AEBP2: variants seen among roughly 807,000 people sequenced by gnomAD.
AEBP2 encodes AE binding protein 2.
In AEBP2, 10 loss-of-function variants were observed where a neutral mutation model predicts 50.8. The observed-to-expected ratio is 0.20, with a 90% confidence interval of 0.12 to 0.33. AEBP2 has a LOEUF of 0.33. Ranked by LOEUF, AEBP2 falls within the 10% of genes least tolerant of loss-of-function variation. The pLI, the probability that AEBP2 is intolerant of heterozygous loss-of-function variation, is 1.00. For synonymous variants in AEBP2, 296 were observed against 261.3 expected (o/e 1.13, Z -1.28); for missense variants, 570 against 688.0 (o/e 0.83, Z 1.92).
chr12:19,444,512 C>G (rs1030987490), intron 1 of AEBP2, among the ~76,000 whole-genome samples: 1 of 152,232 alleles, frequency 6.6e-6, no homozygotes, highest in Non-Finnish European at 1.5e-5. Flanking sequence ...GAGGGCAGAT[C>G]ACATGAGGTC....
chr12:19,473,696 G>A (rs966281885), intron 3 of AEBP2, among the ~76,000 whole-genome samples: 2 of 152,162 alleles, frequency 1.3e-5, no homozygotes, highest in African/African-American at 2.4e-5. Context: ...ATGAGCCACT[G>A]CGCCTGGCTG....
intron 3 of AEBP2, among the ~76,000 whole-genome samples, chr12:19,491,882 G>C (rs376527561): frequency 3.3e-5 from 5 of 152,206 alleles, no homozygotes; most frequent in Non-Finnish European, 7.3e-5. Flanking sequence ...GAAGTGTGAG[G>C]ACAGCCTCAA....
chr12:19,449,496 G>T (rs1191028518), intron 1 of AEBP2, among the ~76,000 whole-genome samples: 1 of 152,148 alleles, frequency 6.6e-6, no homozygotes, highest in Non-Finnish European at 1.5e-5. Context: ...GTGCGTAGTG[G>T]TGATAAAAGA....
At chr12:19,472,510 A>G (rs1428241055) in intron 2 of AEBP2, among the ~76,000 whole-genome samples, 1 of 152,170 alleles carries the variant, frequency 6.6e-6, no homozygotes, top group Non-Finnish European at 1.5e-5. Context: ...CTGAACCTAG[A>G]ATGTGGATCT....
At chr12:19,498,232 A>AT (rs1171087410) in intron 4 of AEBP2, among the ~76,000 whole-genome samples, 2 of 151,842 alleles carry the variant, frequency 1.3e-5, no homozygotes, top group Non-Finnish European at 2.9e-5. Flanking sequence ...AAAGTTACAC[A>AT]TTTTTTTTCG....
intron 1 of AEBP2, among the ~76,000 whole-genome samples, chr12:19,460,603 C>T (rs1026050211): frequency 2.0e-5 from 3 of 151,870 alleles, no homozygotes; most frequent in Admixed American, 1.3e-4. Flanking sequence ...CCACCCACCT[C>T]GGCCTCCCAG....
At chr12:19,421,658 A>C (rs2153364478) in intron 1 of AEBP2, among the ~76,000 whole-genome samples, 1 of 152,314 alleles carries the variant, frequency 6.6e-6, no homozygotes, top group African/African-American at 2.4e-5. Context: ...TCAAAAAAGA[A>C]AACGAAACAT....
chr12:19,516,309 G>C (rs1340413357), intron 7 of AEBP2, among the ~76,000 whole-genome samples: 1 of 152,122 alleles, frequency 6.6e-6, no homozygotes, highest in Non-Finnish European at 1.5e-5. Context: ...TCTTTGGAGA[G>C]ATGAATTAAA....
intron 1 of AEBP2, among the ~76,000 whole-genome samples, chr12:19,428,007 C>G (rs987844827): frequency 5.3e-5 from 8 of 151,908 alleles, no homozygotes; most frequent in Non-Finnish European, 1.0e-4. Context: ...GAGGCTGAGG[C>G]TGGTGGATCG....
intron 1 of AEBP2, chr12:19,456,455 G>C: frequency 6.9e-7 from 1 of 1,446,420 alleles, no homozygotes. Flanking sequence ...CAGAGTTCAA[G>C]AAGTTAGGGC....
intron 1 of AEBP2, among the ~76,000 whole-genome samples, chr12:19,461,399 C>CT (rs1469945468): frequency 2.0e-5 from 3 of 152,216 alleles, no homozygotes; most frequent in East Asian, 1.9e-4. Context: ...CTAGTATATA[C>CT]TTTTTTTAGT....
At chr12:19,423,292 C>G (rs959969371) in intron 1 of AEBP2, among the ~76,000 whole-genome samples, 3 of 152,028 alleles carry the variant, frequency 2.0e-5, no homozygotes, top group African/African-American at 7.2e-5. Context: ...TCATCCCTCC[C>G]CATTGCCTTC....
intron 1 of AEBP2, among the ~76,000 whole-genome samples, chr12:19,459,318 G>A (rs373616003): frequency 1.3e-5 from 2 of 151,826 alleles, no homozygotes. Flanking sequence ...CGCAAGCTCT[G>A]CCTCCTGGGT....
At chr12:19,435,280 A>ATTTTTT (rs35017794), upstream of AEBP2, among the ~76,000 whole-genome samples, 5 of 142,902 alleles carry the variant, frequency 3.5e-5, no homozygotes, top group Non-Finnish European at 6.1e-5. Flanking sequence ...TGACTGGCTA[A>ATTTTTT]TTTTTTTTTT....
intron 1 of AEBP2, among the ~76,000 whole-genome samples, chr12:19,404,930 C>CT (rs34351225): frequency 0.29 from 27,603 of 95,684 alleles, 4,871 homozygotes; most frequent in East Asian, 0.35. Context: ...CTTGGCTACT[C>CT]TTTTTTTTTT....
chr12:19,443,457 C>T (rs1327748087), intron 1 of AEBP2, among the ~76,000 whole-genome samples: 2 of 151,362 alleles, frequency 1.3e-5, no homozygotes, highest in Non-Finnish European at 2.9e-5. Context: ...GGTGGCTCAC[C>T]CCTGTAATCC....
chr12:19,479,738 T>C (rs1457206659), intron 3 of AEBP2, among the ~76,000 whole-genome samples: 1 of 134,950 alleles, frequency 7.4e-6, no homozygotes, highest in African/African-American at 2.6e-5. Flanking sequence ...TTTTTTTTTT[T>C]TTTTTTTTTT....
chr12:19,457,194 T>C, intron 1 of AEBP2: 1 of 1,598,008 alleles, frequency 6.3e-7, no homozygotes, highest in Non-Finnish European at 8.5e-7. Flanking sequence ...CGACAATTAG[T>C]TGTTTCACAC....
In AEBP2 at chr12:19,439,869, T is replaced by G; in HGVS notation, c.170T>G (p.Leu57Arg). The change falls in exon 1 of 8, where the codon CTG becomes CGG. Residue 57 changes from leucine to arginine, a missense_variant. Transcript: ENST00000266508. ...EEAEAEAVAA[L>R]LLNGGSGGGG... ...GCGGAGGCCGAGGCGGTGGCGGCGC[T>G]GCTGCTGAACGGCGGCAGCGGTGGG... 6.8e-7 allele frequency: 1 copy of G among 1,479,128 alleles called. No homozygotes were observed. Among genetic ancestry groups the G allele is most frequent in the Non-Finnish European group, 8.9e-7 (1 of 1,124,764 alleles). 91.6% of individuals were successfully genotyped at this position (1,479,128 alleles called of 1,614,324 possible). A position where few individuals can be genotyped will look rare whatever the true frequency, so the allele number is the denominator to read the frequency against.
Sources: allele counts gnomAD v4.1 joint callset (sites outside exome capture counted in the v4.1 genomes callset), GRCh38; gene constraint gnomAD v4.1.1; transcripts MANE v1.5; gene names NCBI Gene and HGNC (gene_info 2026-07-23, HGNC 2026-07-21).